The following PUM1 variants were observed in gnomAD, a reference collection of about 807,000 sequenced individuals.
PUM1 encodes pumilio RNA binding family member 1.
Under a neutral mutation model 131.8 loss-of-function variants are expected in PUM1, and 13 were observed. That is an observed-to-expected ratio of 0.10 (90% CI 0.06 to 0.16). The LOEUF is 0.16. PUM1 is among the 10% of genes least tolerant of loss of function. The pLI is 1.00. For missense variants in PUM1, 961 were observed against 1,512.4 expected (o/e 0.64, Z 6.05); for synonymous variants, 509 against 556.5 (o/e 0.91, Z 1.20).
At chr1:31,041,838 T>C (rs1643826043) in intron 2 of PUM1, among the ~76,000 whole-genome samples, 1 of 151,970 alleles carries the variant, frequency 6.6e-6, no homozygotes, top group African/African-American at 2.4e-5. Flanking sequence ...TATTCCTTTA[T>C]AGCAACACAA....
At chr1:30,943,389 A>G (rs995192005) in intron 18 of PUM1, among the ~76,000 whole-genome samples, 1 of 152,042 alleles carries the variant, frequency 6.6e-6, no homozygotes, top group African/African-American at 2.4e-5. Context: ...CAGCCTCCCA[A>G]GTAGCTGGGA....
At chr1:30,991,851 G>T (rs1390749276) in intron 7 of PUM1, among the ~76,000 whole-genome samples, 1 of 152,194 alleles carries the variant, frequency 6.6e-6, no homozygotes, top group African/African-American at 2.4e-5. Context: ...GCAATTTCAT[G>T]GTAGATTTTA....
rs116583743 is a variant in PUM1, at chr1:31,035,980, G to A, written c.364-7116C>T. Among the ~76,000 whole-genome samples the A allele has an allele frequency of 4.1e-3, 620 of 152,098 alleles. 3 individuals carry two copies. Among genetic ancestry groups the A allele is most frequent in the Non-Finnish European group, 6.2e-3 (419 of 68,000 alleles). On this transcript the variant is annotated intron_variant, in intron 2 of 21. Coordinates refer to ENST00000426105, the MANE Select transcript of PUM1 (RefSeq NM_001020658.2). ...CAGGCACTGGCACTGCGAAACAGAC[G>A]TTATTCCATTTTATATACGAGGAAA...
At chr1:31,025,939 G>C (rs1272997716) in intron 3 of PUM1, among the ~76,000 whole-genome samples, 8 of 152,092 alleles carry the variant, frequency 5.3e-5, no homozygotes. Flanking sequence ...TTAATTAGAA[G>C]CTGTTCTTTT....
intron 10 of PUM1, among the ~76,000 whole-genome samples, chr1:30,974,314 GAAATGATCTGA>G (rs1641049970): frequency 6.6e-6 from 1 of 152,154 alleles, no homozygotes; most frequent in South Asian, 2.1e-4. Context: ...GCAAAACCCT[GAAATGATCTGA>G]AAGTGGTGCT....
At chr1:31,054,671 A>G (rs1159516207) in intron 2 of PUM1, among the ~76,000 whole-genome samples, 1 of 152,190 alleles carries the variant, frequency 6.6e-6, no homozygotes, top group African/African-American at 2.4e-5. Flanking sequence ...CATATGTAAT[A>G]AAAAACAGAA....
intron 9 of PUM1, among the ~76,000 whole-genome samples, chr1:30,975,965 G>C (rs1641121430): frequency 6.6e-6 from 1 of 151,864 alleles, no homozygotes; most frequent in African/African-American, 2.4e-5. Context: ...GCAGATGCCT[G>C]TAATCCCAGC....
rs151204943 is a variant in PUM1 at position 31,030,236 on chromosome 1, T to C, written c.364-1372A>G. ...AAAAAAACAAAACAAAAAAAAGATG[T>C]AGGCTTTGCTCTTCTGCCTACATGA... On this transcript the variant is annotated intron_variant, in intron 2 of 21. Transcript: ENST00000426105. Among the ~76,000 whole-genome samples, 776 of 151,936 alleles carry C rather than the reference T, an allele frequency of 5.1e-3. 4 individuals carry two copies. The highest frequency in any genetic ancestry group is 0.032 in the East Asian group (163 of 5,142).
At chr1:31,010,908 C>A (rs895335482) in intron 3 of PUM1, among the ~76,000 whole-genome samples, 1 of 152,142 alleles carries the variant, frequency 6.6e-6, no homozygotes, top group African/African-American at 2.4e-5. Flanking sequence ...GTGGCTTACA[C>A]CTGTAATCCC....
rs916736435 is a variant in PUM1, at chr1:30,964,898, T to C, written c.2099A>G (p.Asn700Ser). The C allele has an allele frequency of 1.2e-6, 2 of 1,614,000 alleles. No individual in the cohort carries two copies. Among genetic ancestry groups the C allele is most frequent in the Non-Finnish European group, 1.7e-6 (2 of 1,179,964 alleles). ...GGFGTAVANS[N>S]TGSGSRRDSL... Reference sequence around the variant, plus strand: ...GTCACGGCGGGAGCCACTGCCAGTGTTGGAGTTTGCAACTAAAATGGAATT... The same window carrying C: ...GTCACGGCGGGAGCCACTGCCAGTGCTGGAGTTTGCAACTAAAATGGAATT... The change falls in exon 14 of 22, where the codon AAC becomes AGC. Residue 700 changes from asparagine to serine, a missense_variant. Physicochemically the swap from Asn to Ser is conservative, Grantham distance 46. Around this residue, in one of 4 missense-constraint regions of PUM1, gnomAD observed 654 missense variants for 923.9 expected, o/e 0.71. Coordinates refer to ENST00000426105, the MANE Select transcript of PUM1 (RefSeq NM_001020658.2).
chr1:30,978,225 G>A (rs1202810268), intron 9 of PUM1, among the ~76,000 whole-genome samples: 1 of 152,092 alleles, frequency 6.6e-6, no homozygotes, highest in East Asian at 1.9e-4. Context: ...CTCCAGCCTG[G>A]GCGAGAGAGC....
intron 2 of PUM1, among the ~76,000 whole-genome samples, chr1:31,030,920 T>A (rs561143803): frequency 6.6e-6 from 1 of 152,152 alleles, no homozygotes; most frequent in South Asian, 2.1e-4. Context: ...TCACTAAAAA[T>A]TGAAATTTAT....
intron 2 of PUM1, among the ~76,000 whole-genome samples, chr1:31,054,206 G>A: frequency 6.6e-6 from 1 of 151,474 alleles, no homozygotes; most frequent in East Asian, 1.9e-4. Flanking sequence ...GTGTGCCTGT[G>A]GTCCCAGGAT....
intron 2 of PUM1, among the ~76,000 whole-genome samples, chr1:31,046,878 T>C (rs1394954954): frequency 6.6e-6 from 1 of 151,996 alleles, no homozygotes; most frequent in Non-Finnish European, 1.5e-5. Context: ...CCACCACTTC[T>C]TACATGGAGG....
intron 7 of PUM1, among the ~76,000 whole-genome samples, chr1:30,985,486 C>CT (rs1570205750): frequency 6.6e-6 from 1 of 152,000 alleles, no homozygotes; most frequent in East Asian, 1.9e-4. Flanking sequence ...AACCCCATCT[C>CT]TAATAAAAAT....
chr1:30,938,843 C>T (rs551571934), intron 20 of PUM1, among the ~76,000 whole-genome samples: 3 of 151,776 alleles, frequency 2.0e-5, no homozygotes, highest in East Asian at 1.9e-4. Flanking sequence ...CCAGCCTGGG[C>T]GACAGAGCGA....
intron 2 of PUM1, among the ~76,000 whole-genome samples, chr1:31,031,082 G>A (rs578122446): frequency 2.0e-5 from 3 of 152,122 alleles, no homozygotes; most frequent in Non-Finnish European, 2.9e-5. Flanking sequence ...ACAATAAATA[G>A]ACTCATAAAC....
chr1:31,012,082 C>G (rs1642640027), intron 3 of PUM1, among the ~76,000 whole-genome samples: 1 of 152,032 alleles, frequency 6.6e-6, no homozygotes, highest in South Asian at 2.1e-4. Context: ...CTAAAAACAC[C>G]CAAGTAATCT....
chr1:31,064,776 G>GGGGGGGGGGGGT (rs1644446439), intron 1 of PUM1, among the ~76,000 whole-genome samples: 1 of 75,882 alleles, frequency 1.3e-5, no homozygotes, highest in Non-Finnish European at 2.8e-5. Context: ...GGGGGGGGGG[G>GGGGGGGGGGGGT]GGGGCTATAG....
Sources: gnomAD v4.1 joint callset for allele counts (sites outside exome capture counted in the v4.1 genomes callset) on GRCh38, gnomAD v4.1.1 for gene constraint, gnomAD v4.1.1 regional missense constraint, MANE v1.5 for transcripts, NCBI Gene and HGNC (gene_info 2026-07-23, HGNC 2026-07-21) for gene names.